The following SPRY3 variants were observed in gnomAD, a reference collection of about 807,000 sequenced individuals.
The protein encoded by SPRY3 is sprouty RTK signaling antagonist 3.
SPRY3 carries 15 observed loss-of-function variants against 20.2 expected under a neutral mutation model. The ratio of observed to expected loss-of-function variants is 0.74; its 90% confidence interval spans 0.50 to 1.14. The LOEUF (loss-of-function observed/expected upper bound fraction) is 1.14, where lower values mean the gene tolerates loss of function less well. Ranked by LOEUF, SPRY3 falls within the 50% of genes most tolerant of loss-of-function variation. The pLI is 0.00. For missense variants in SPRY3, 364 were observed against 363.9 expected (o/e 1.00, Z 0.00); for synonymous variants, 143 against 136.5 (o/e 1.05, Z -0.33).
intron 2 of SPRY3, among the ~76,000 whole-genome samples, chrX:155,671,787 A>G (rs1040247369): frequency 9.0e-5 from 10 of 111,251 alleles, no homozygotes; most frequent in Admixed American, 4.8e-4. Context: ...TAGGTCTAAT[A>G]TTTAAGTCTT....
At chrX:155,665,322 A>T (rs1382395172) in intron 2 of SPRY3, among the ~76,000 whole-genome samples, 1 of 111,388 alleles carries the variant, frequency 9.0e-6, no homozygotes, top group African/African-American at 3.3e-5. Flanking sequence ...AATATCTAAT[A>T]AATATAGAGA....
chrX:155,646,881 A>G (rs1443587288), intron 1 of SPRY3, among the ~76,000 whole-genome samples: 1 of 111,627 alleles, frequency 9.0e-6, no homozygotes, highest in Non-Finnish European at 1.9e-5. Flanking sequence ...ATCATAGAGG[A>G]AAAAAAGTCA....
intron 2 of SPRY3, among the ~76,000 whole-genome samples, chrX:155,663,717 T>G (rs2068016810): frequency 9.0e-6 from 1 of 111,385 alleles, no homozygotes; most frequent in African/African-American, 3.3e-5. Context: ...AATCAGAAAT[T>G]TTGGAATTGG....
chrX:155,773,960 G>A (rs759509489), exon 4 of SPRY3: 14 of 1,613,790 alleles, frequency 8.7e-6, no homozygotes, highest in East Asian at 6.7e-5. Context: ...TACGTGGAAC[G>A]GCCTCCAGCC....
chrX:155,700,216 G>A (rs1485694335), intron 2 of SPRY3, among the ~76,000 whole-genome samples: 3 of 109,723 alleles, frequency 2.7e-5, no homozygotes, highest in Non-Finnish European at 3.8e-5. Flanking sequence ...TTAGTCAATG[G>A]AGACATACAA....
Position 155,641,284 on chromosome X carries a change from A to G in SPRY3, c.-440-15583A>G, listed in dbSNP as rs1374558446. Among the ~76,000 whole-genome samples, 4 of 111,968 alleles carry G rather than the reference A, an allele frequency of 3.6e-5. No homozygotes were observed. The East Asian group carries it at 1.1e-3, about 31-fold the overall frequency. On this transcript the variant is annotated intron_variant, in intron 1 of 3. Coordinates refer to ENST00000675360, the Ensembl canonical transcript of SPRY3. ...TGATAAATCCCACTTGGTCATGATA[A>G]ATTATCTTTTTAATGTTTTATAGAA...
intron 2 of SPRY3, among the ~76,000 whole-genome samples, chrX:155,670,790 A>G (rs1433587297): frequency 8.9e-6 from 1 of 112,127 alleles, no homozygotes; most frequent in Admixed American, 9.5e-5. Context: ...CCAGAATGGC[A>G]AAGGGGACTT....
intron 2 of SPRY3, among the ~76,000 whole-genome samples, chrX:155,706,780 A>C: frequency 6.6e-6 from 1 of 150,974 alleles, no homozygotes; most frequent in East Asian, 1.9e-4. Context: ...AACTACAAAA[A>C]CTCATCCAAG....
chrX:155,712,972 T>C (rs1293509375), intron 2 of SPRY3, among the ~76,000 whole-genome samples: 1 of 152,040 alleles, frequency 6.6e-6, no homozygotes, highest in African/African-American at 2.4e-5. Flanking sequence ...ATACAAACTC[T>C]ACACTTTAAC....
intron 2 of SPRY3, among the ~76,000 whole-genome samples, chrX:155,714,681 C>T (rs1339160745): frequency 6.6e-6 from 1 of 151,694 alleles, no homozygotes. Context: ...TTTTTTCAGG[C>T]CCCAGGCATG....
intron 1 of SPRY3, among the ~76,000 whole-genome samples, chrX:155,635,826 G>A (rs897621013): frequency 5.4e-5 from 6 of 111,901 alleles, no homozygotes; most frequent in African/African-American, 2.0e-4. Context: ...GGATCTAGAA[G>A]TAGAAATCAA....
chrX:155,679,598 C>T (rs1340311010), intron 2 of SPRY3, among the ~76,000 whole-genome samples: 1 of 111,606 alleles, frequency 9.0e-6, no homozygotes, highest in Non-Finnish European at 1.9e-5. Context: ...GTTTAAGTTC[C>T]AGCATATGAA....
chrX:155,686,177 T>C (rs1387477650), intron 2 of SPRY3, among the ~76,000 whole-genome samples: 1 of 111,802 alleles, frequency 8.9e-6, no homozygotes, highest in East Asian at 2.8e-4. Context: ...TTAATATTTG[T>C]TTCAAAAGTG....
chrX:155,766,216 T>C (rs1278578308), intron 2 of SPRY3, among the ~76,000 whole-genome samples: 1 of 152,088 alleles, frequency 6.6e-6, no homozygotes, highest in African/African-American at 2.4e-5. Context: ...AACACATACA[T>C]ACACACAGGA....
At chrX:155,767,366 A>C (rs2091339132) in intron 2 of SPRY3, among the ~76,000 whole-genome samples, 1 of 152,046 alleles carries the variant, frequency 6.6e-6, no homozygotes, top group African/African-American at 2.4e-5. Context: ...ACACACTGCC[A>C]ACTCACTCCC....
intron 2 of SPRY3, among the ~76,000 whole-genome samples, chrX:155,717,155 A>G (rs2091028975): frequency 1.4e-5 from 2 of 138,350 alleles, no homozygotes; most frequent in African/African-American, 5.2e-5. Flanking sequence ...TGAGACTGTC[A>G]AAAAAAAAAA....
At chrX:155,700,462 A>G (rs2068133041) in intron 2 of SPRY3, among the ~76,000 whole-genome samples, 1 of 107,856 alleles carries the variant, frequency 9.3e-6, no homozygotes, top group Non-Finnish European at 1.9e-5. Flanking sequence ...GAGTTACTCA[A>G]AAAAATACTT....
At chrX:155,751,300 T>C (rs1468005318) in intron 2 of SPRY3, among the ~76,000 whole-genome samples, 1 of 151,910 alleles carries the variant, frequency 6.6e-6, no homozygotes, top group Non-Finnish European at 1.5e-5. Context: ...TAAGAAAAAC[T>C]GTTGCTCCTA....
At chrX:155,739,432 T>C (rs1016543256) in intron 2 of SPRY3, among the ~76,000 whole-genome samples, 38 of 152,300 alleles carry the variant, frequency 2.5e-4, no homozygotes, top group South Asian at 2.1e-3. Context: ...GGATTCCCCC[T>C]AGTGCAGCAC....
Sources: allele counts gnomAD v4.1 joint callset (sites outside exome capture counted in the v4.1 genomes callset), GRCh38; gene constraint gnomAD v4.1.1; transcripts MANE v1.5; gene names NCBI Gene and HGNC (gene_info 2026-07-23, HGNC 2026-07-21).